Variants in GABRG3 observed in about 807,000 individuals in gnomAD.
GABRG3 encodes the protein gamma-aminobutyric acid type A receptor subunit gamma3.
GABRG3 carries 25 observed loss-of-function variants against 48.8 expected under a neutral mutation model. The ratio of observed to expected loss-of-function variants is 0.51; its 90% CI spans 0.37 to 0.72. The LOEUF is 0.72. Ranked by LOEUF, GABRG3 falls within the 30% of genes least tolerant of loss-of-function variation. The pLI is 0.00. For synonymous variants in GABRG3, 227 were observed against 217.6 expected (o/e 1.04, Z -0.38); for missense variants, 394 against 577.9 (o/e 0.68, Z 3.26).
rs188065734 is a variant in GABRG3 at position 27,107,131 on chromosome 15, A to G, written c.270+80310A>G. Among the ~76,000 whole-genome samples the G allele has an allele frequency of 1.3e-4, 20 of 152,184 alleles. No individual in the cohort carries two copies. The East Asian group carries it at 3.7e-3, about 28-fold the overall frequency. On this transcript the variant is annotated intron_variant, in intron 3 of 9. Transcript: ENST00000615808. ...AGCTTTCAATCTCTTACCATTAAAT[A>G]TTCCTAGTCTTAGGGGAAAAGATTT...
chr15:27,309,057 C>A (rs932401658), intron 3 of GABRG3, among the ~76,000 whole-genome samples: 1 of 149,094 alleles, frequency 6.7e-6, no homozygotes, highest in African/African-American at 2.5e-5. Flanking sequence ...TATATAGAAA[C>A]ACATATAATG....
At chr15:27,278,639 T>A (rs1891334751) in intron 3 of GABRG3, among the ~76,000 whole-genome samples, 1 of 152,210 alleles carries the variant, frequency 6.6e-6, no homozygotes, top group Admixed American at 6.5e-5. Flanking sequence ...TGTTCCTTTT[T>A]AATCCTGAAG....
chr15:27,291,041 A>G (rs1331617634), intron 3 of GABRG3, among the ~76,000 whole-genome samples: 1 of 152,258 alleles, frequency 6.6e-6, no homozygotes, highest in Non-Finnish European at 1.5e-5. Context: ...ACTGAATTGT[A>G]CAATGAATTA....
chr15:27,454,153 C>G (rs1241388640), intron 5 of GABRG3, among the ~76,000 whole-genome samples: 1 of 152,188 alleles, frequency 6.6e-6, no homozygotes, highest in African/African-American at 2.4e-5. Flanking sequence ...TATGTGACTC[C>G]AGTATGTGCC....
At chr15:27,494,949 T>C (rs1890446460) in intron 6 of GABRG3, among the ~76,000 whole-genome samples, 1 of 152,198 alleles carries the variant, frequency 6.6e-6, no homozygotes, top group Non-Finnish European at 1.5e-5. Context: ...CTTTTCCTCT[T>C]TCCTGAAGTG....
At chr15:27,328,559 A>G (rs554988955) in intron 4 of GABRG3, among the ~76,000 whole-genome samples, 1 of 152,374 alleles carries the variant, frequency 6.6e-6, no homozygotes, top group African/African-American at 2.4e-5. Context: ...GTATTTCTAG[A>G]CACAGTTGGA....
intron 3 of GABRG3, among the ~76,000 whole-genome samples, chr15:27,245,595 T>C (rs372456829): frequency 2.2e-4 from 33 of 152,272 alleles, no homozygotes; most frequent in African/African-American, 7.7e-4. Flanking sequence ...GAAAATAGGC[T>C]GGGCATGGTG....
At chr15:27,113,620 C>A (rs577237060) in intron 3 of GABRG3, among the ~76,000 whole-genome samples, 1 of 152,176 alleles carries the variant, frequency 6.6e-6, no homozygotes, top group Admixed American at 6.5e-5. Flanking sequence ...CTAGCTTCTT[C>A]ATTGGTCAGT....
chr15:27,266,329 T>C (rs962122986), intron 3 of GABRG3, among the ~76,000 whole-genome samples: 2 of 152,190 alleles, frequency 1.3e-5, no homozygotes, highest in African/African-American at 2.4e-5. Flanking sequence ...TACTTTATGC[T>C]GAAGATTATC....
chr15:27,346,155 G>T (rs910187426), intron 5 of GABRG3, among the ~76,000 whole-genome samples: 3 of 151,626 alleles, frequency 2.0e-5, no homozygotes, highest in Non-Finnish European at 4.4e-5. Context: ...GAAGGAAAAA[G>T]AAATTCTATA....
chr15:27,487,321 A>T (rs1202010131), intron 6 of GABRG3, among the ~76,000 whole-genome samples: 4 of 152,238 alleles, frequency 2.6e-5, no homozygotes, highest in Non-Finnish European at 5.9e-5. Context: ...TATAACATTT[A>T]ATATATTATG....
At chr15:27,382,059 A>T (rs1895792997) in intron 5 of GABRG3, among the ~76,000 whole-genome samples, 1 of 152,156 alleles carries the variant, frequency 6.6e-6, no homozygotes, top group Non-Finnish European at 1.5e-5. Flanking sequence ...TGATTTTTGA[A>T]ATTAGAGTTG....
chr15:27,376,132 C>T (rs1009208699), intron 5 of GABRG3, among the ~76,000 whole-genome samples: 2 of 152,242 alleles, frequency 1.3e-5, no homozygotes, highest in African/African-American at 2.4e-5. Context: ...CCCAGTGGGG[C>T]AGTCAAACCT....
At chr15:27,453,666 A>C (rs1889176740) in intron 5 of GABRG3, among the ~76,000 whole-genome samples, 2 of 152,152 alleles carry the variant, frequency 1.3e-5, no homozygotes, top group Admixed American at 1.3e-4. Flanking sequence ...CAATGGCGCA[A>C]TCTTGGCTCA....
At chr15:27,301,990 C>A (rs1801774347) in intron 3 of GABRG3, among the ~76,000 whole-genome samples, 1 of 151,948 alleles carries the variant, frequency 6.6e-6, no homozygotes, top group Non-Finnish European at 1.5e-5. Context: ...GGGATAAAGG[C>A]ACTCTCAGAT....
At chr15:27,305,091 C>T (rs1892350338) in intron 3 of GABRG3, among the ~76,000 whole-genome samples, 1 of 151,794 alleles carries the variant, frequency 6.6e-6, no homozygotes, top group African/African-American at 2.4e-5. Context: ...GTTTTTAATA[C>T]ATTTTGAGTT....
intron 6 of GABRG3, among the ~76,000 whole-genome samples, chr15:27,487,412 C>T (rs999842628): frequency 1.1e-4 from 17 of 152,114 alleles, no homozygotes; most frequent in Non-Finnish European, 2.5e-4. Flanking sequence ...GGGACATGAG[C>T]CAATACCTTT....
intron 5 of GABRG3, among the ~76,000 whole-genome samples, chr15:27,387,938 A>G (rs1350068297): frequency 2.1e-5 from 1 of 47,286 alleles, no homozygotes; most frequent in African/African-American, 8.2e-5. Flanking sequence ...GAGGGAGGGA[A>G]GGAGGGAAAG....
chr15:27,122,329 GT>G (rs1897745284), intron 3 of GABRG3, among the ~76,000 whole-genome samples: 1 of 152,178 alleles, frequency 6.6e-6, no homozygotes, highest in Non-Finnish European at 1.5e-5. Context: ...ACACTGTACT[GT>G]TGTATATGCA....
Sources: allele counts gnomAD v4.1 joint callset (sites outside exome capture counted in the v4.1 genomes callset), GRCh38; gene constraint gnomAD v4.1.1; transcripts MANE v1.5; gene names NCBI Gene and HGNC (gene_info 2026-07-23, HGNC 2026-07-21).